Variants in RARB observed in about 807,000 individuals in gnomAD.
RARB encodes HBV-activated protein.
RARB carries 17 observed loss-of-function variants against 51.9 expected under a neutral mutation model. The ratio of observed to expected loss-of-function variants is 0.33; its 90% CI spans 0.22 to 0.49. RARB has a LOEUF of 0.49. RARB is among the 20% of genes least tolerant of loss of function. RARB has a pLI of 0.99. For missense variants in RARB, 369 were observed against 550.8 expected (o/e 0.67, Z 3.30); for synonymous variants, 215 against 195.4 (o/e 1.10, Z -0.84).
At chr3:24,833,593 A>C (rs1319985) in intron 1 of RARB, among the ~76,000 whole-genome samples, 135,772 of 152,240 alleles carry the variant, frequency 0.89, 60,574 homozygotes, top group South Asian at 0.92. Context: ...CATTTTACAC[A>C]CAAAATTAAA....
At chr3:24,988,781 C>G (rs964312926) in intron 2 of RARB, among the ~76,000 whole-genome samples, 4 of 152,042 alleles carry the variant, frequency 2.6e-5, no homozygotes, top group Non-Finnish European at 5.9e-5. Flanking sequence ...AACAATTTAT[C>G]CATTCTCCTA....
intron 5 of RARB, among the ~76,000 whole-genome samples, chr3:25,224,372 G>A (rs1702009509): frequency 6.6e-6 from 1 of 152,106 alleles, no homozygotes; most frequent in South Asian, 2.1e-4. Context: ...GCCAGCTACA[G>A]AGCTTAAAAT....
chr3:24,914,993 T>A (rs115900404), intron 2 of RARB, among the ~76,000 whole-genome samples: 2,557 of 152,264 alleles, frequency 0.017, 42 homozygotes, highest in Non-Finnish European at 0.025. Flanking sequence ...ATACATAGCA[T>A]TATAGAGATT....
intron 2 of RARB, among the ~76,000 whole-genome samples, chr3:24,914,881 C>G (rs1695072573): frequency 6.6e-6 from 1 of 152,166 alleles, no homozygotes; most frequent in African/African-American, 2.4e-5. Context: ...TCTTAACCAC[C>G]TGTGCACTAT....
intron 2 of RARB, among the ~76,000 whole-genome samples, chr3:24,906,032 A>AGT (rs143424244): frequency 0.013 from 2,052 of 152,302 alleles, 49 homozygotes; most frequent in African/African-American, 0.047. Context: ...GGGGTACCAC[A>AGT]GTGGGGTCTT....
intron 2 of RARB, among the ~76,000 whole-genome samples, chr3:25,481,622 T>A (rs1696227844): frequency 6.6e-6 from 1 of 152,228 alleles, no homozygotes; most frequent in Admixed American, 6.5e-5. Context: ...TTTGTGTGAA[T>A]GATCCTAGCA....
At chr3:25,021,103 T>C (rs1697626590) in intron 2 of RARB, among the ~76,000 whole-genome samples, 2 of 152,358 alleles carry the variant, frequency 1.3e-5, no homozygotes, top group Middle Eastern at 3.4e-3. Flanking sequence ...TGTAGTTCTC[T>C]TGATGGTGAA....
At chr3:25,349,964 G>T (rs1705510476) in intron 5 of RARB, among the ~76,000 whole-genome samples, 1 of 152,014 alleles carries the variant, frequency 6.6e-6, no homozygotes. Flanking sequence ...GGAGCTGTTG[G>T]CTGGGGCCTT....
At chr3:25,305,602 A>C (rs939313783) in intron 5 of RARB, among the ~76,000 whole-genome samples, 1 of 152,122 alleles carries the variant, frequency 6.6e-6, no homozygotes, top group African/African-American at 2.4e-5. Flanking sequence ...CTTTAGTAGA[A>C]TCACCCCTGC....
At chr3:24,918,950 A>C (rs1695162348) in intron 2 of RARB, among the ~76,000 whole-genome samples, 1 of 152,154 alleles carries the variant, frequency 6.6e-6, no homozygotes, top group South Asian at 2.1e-4. Flanking sequence ...AAAATTGTAG[A>C]GTTTTGTGGG....
chr3:25,288,381 A>G (rs1241947391), intron 5 of RARB, among the ~76,000 whole-genome samples: 2 of 152,222 alleles, frequency 1.3e-5, no homozygotes, highest in Non-Finnish European at 2.9e-5. Context: ...GTCACGCTAG[A>G]CTGTAGTGAG....
Position 25,428,598 on chromosome 3 carries a change from G to A in RARB, c.-134G>A, listed in dbSNP as rs934149640. Reference sequence around the variant, plus strand: ...TGTCTGTCATAATTCATGATTCGGGGCTGGGAAAAAGACCAACAGCCTACG... The same window carrying A: ...TGTCTGTCATAATTCATGATTCGGGACTGGGAAAAAGACCAACAGCCTACG... On this transcript the variant is annotated 5_prime_UTR_variant, in exon 1 of 8. Transcript: ENST00000330688. The A allele has an allele frequency of 7.1e-6, 10 of 1,403,588 alleles. No individual in the cohort carries two copies. The highest frequency in any genetic ancestry group is 1.8e-5 in the South Asian group (1 of 54,416). 86.9% of individuals were successfully genotyped at this position (1,403,588 alleles called of 1,614,324 possible).
At chr3:25,198,888 C>T (rs1575213011) in intron 5 of RARB, among the ~76,000 whole-genome samples, 1 of 152,134 alleles carries the variant, frequency 6.6e-6, no homozygotes, top group East Asian at 1.9e-4. Context: ...GGACATTCCT[C>T]AAAAAACTAA....
intron 4 of RARB, among the ~76,000 whole-genome samples, chr3:25,161,354 A>T (rs1156782356): frequency 1.3e-5 from 2 of 151,950 alleles, no homozygotes; most frequent in African/African-American, 4.8e-5. Context: ...GCTGATGTCA[A>T]GATTCTTAAC....
chr3:24,911,261 C>T (rs1203217213), intron 2 of RARB, among the ~76,000 whole-genome samples: 1 of 152,130 alleles, frequency 6.6e-6, no homozygotes, highest in African/African-American at 2.4e-5. Context: ...AAGAAATGAA[C>T]ACACAGACCT....
At chr3:25,251,809 G>T (rs1702728575) in intron 5 of RARB, among the ~76,000 whole-genome samples, 3 of 151,416 alleles carry the variant, frequency 2.0e-5, no homozygotes, top group South Asian at 4.2e-4. Context: ...CATCTTTTGG[G>T]TTGTCTTTTT....
intron 5 of RARB, among the ~76,000 whole-genome samples, chr3:25,261,346 ATACT>A (rs1333434413): frequency 3.3e-5 from 5 of 151,990 alleles, no homozygotes; most frequent in African/African-American, 1.2e-4. Flanking sequence ...CTAGAACACC[ATACT>A]TACTAGTTCT....
At chr3:25,551,089 C>A (rs1255221365) in intron 3 of RARB, among the ~76,000 whole-genome samples, 1 of 152,074 alleles carries the variant, frequency 6.6e-6, no homozygotes, top group African/African-American at 2.4e-5. Context: ...TGACAAAAAT[C>A]ATCTTTGAAG....
At chr3:24,973,430 G>A (rs142302106) in intron 2 of RARB, among the ~76,000 whole-genome samples, 148 of 152,076 alleles carry the variant, frequency 9.7e-4, no homozygotes, top group African/African-American at 3.5e-3. Context: ...TTTTTGATCA[G>A]CATTGCTTTG....
Sources: gnomAD v4.1 joint callset for allele counts (sites outside exome capture counted in the v4.1 genomes callset) on GRCh38, gnomAD v4.1.1 for gene constraint, MANE v1.5 for transcripts, NCBI Gene and HGNC (gene_info 2026-07-23, HGNC 2026-07-21) for gene names.